Variants in SPATA7 observed in about 807,000 individuals in gnomAD.
SPATA7 encodes the protein spermatogenesis associated 7.
SPATA7 carries 43 observed loss-of-function variants against 51.8 expected under a neutral mutation model. The ratio of observed to expected loss-of-function variants is 0.83; its 90% CI spans 0.65 to 1.07. The LOEUF is 1.07. SPATA7 is among the 50% of genes least tolerant of loss of function. The pLI, the probability that SPATA7 is intolerant of heterozygous loss-of-function variation, is 0.00. For missense variants in SPATA7, 683 were observed against 701.3 expected (o/e 0.97, Z 0.30); for synonymous variants, 230 against 252.8 (o/e 0.91, Z 0.86).
At chr14:88,425,701 A>G (rs1022189317) in intron 5 of SPATA7, among the ~76,000 whole-genome samples, 6 of 152,086 alleles carry the variant, frequency 3.9e-5, no homozygotes, top group Admixed American at 3.3e-4. Flanking sequence ...TGAAATTATT[A>G]TGGAATAAAT....
At chr14:88,387,071 T>G (rs1038022016) in intron 1 of SPATA7, among the ~76,000 whole-genome samples, 3 of 152,232 alleles carry the variant, frequency 2.0e-5, no homozygotes, top group Non-Finnish European at 4.4e-5. Flanking sequence ...TAGCCTTATT[T>G]CATAGTGAAG....
At chr14:88,402,529 C>A (rs2076089572) in intron 4 of SPATA7, among the ~76,000 whole-genome samples, 1 of 152,092 alleles carries the variant, frequency 6.6e-6, no homozygotes, top group South Asian at 2.1e-4. Flanking sequence ...GGGTACCAAA[C>A]ACACACAGTG....
chr14:88,398,979 G>A (rs966996112), intron 4 of SPATA7, among the ~76,000 whole-genome samples: 46 of 151,218 alleles, frequency 3.0e-4, no homozygotes, highest in African/African-American at 1.1e-3. Flanking sequence ...GTGAACCCAG[G>A]AGGCGGAGCT....
downstream of SPATA7, among the ~76,000 whole-genome samples, chr14:88,442,213 A>C (rs941748295): frequency 7.0e-6 from 1 of 143,108 alleles, no homozygotes; most frequent in Non-Finnish European, 1.6e-5. Flanking sequence ...TTTTTGAGGC[A>C]GAGTCTCACT....
downstream of SPATA7, among the ~76,000 whole-genome samples, chr14:88,438,760 G>A (rs189149208): frequency 8.5e-5 from 13 of 152,308 alleles, no homozygotes; most frequent in African/African-American, 2.9e-4. Context: ...GCTGACCAGT[G>A]GCTAGAGGCT....
chr14:88,432,538 C>T (rs568147957), intron 9 of SPATA7: 2 of 152,182 alleles, frequency 1.3e-5, no homozygotes, highest in South Asian at 2.1e-4. Context: ...TAAAAATTAC[C>T]ACAAGATTTA....
intron 4 of SPATA7, among the ~76,000 whole-genome samples, chr14:88,413,957 T>C (rs1202098110): frequency 6.6e-6 from 1 of 152,164 alleles, no homozygotes; most frequent in Non-Finnish European, 1.5e-5. Flanking sequence ...AGTTTGCTAC[T>C]ATTTGTTGAG....
chr14:88,403,413 A>G (rs1380695941), intron 4 of SPATA7, among the ~76,000 whole-genome samples: 2 of 152,222 alleles, frequency 1.3e-5, no homozygotes, highest in African/African-American at 4.8e-5. Context: ...AGATATAGAA[A>G]CAACCTAAAT....
rs750012248 is a variant in SPATA7, at chr14:88,469,821, AC to A, written c.255-23del. 2 of 1,600,864 alleles carry A rather than the reference AC, an allele frequency of 1.2e-6. No homozygotes were observed. Among genetic ancestry groups the A allele is most frequent in the South Asian group, 2.2e-5 (2 of 90,712 alleles). The stretch of plus-strand genomic sequence containing the variant: ...ACGGCACATCTGAAACAGAACCACA[AC>A]CCTACCCTGCCTTTTTCTCCACAGG... On this transcript the variant is annotated intron_variant, in intron 4 of 4. Coordinates refer to the SPATA7 transcript ENST00000556406. This position sits in a 1 kb window ranked among gnomAD's most constrained non-coding sequence, Gnocchi z 4.3.
chr14:88,402,970 A>AAC (rs1276299527), intron 4 of SPATA7, among the ~76,000 whole-genome samples: 1 of 140,728 alleles, frequency 7.1e-6, no homozygotes, highest in East Asian at 1.9e-4. Flanking sequence ...AAAAAAAAAA[A>AAC]AAAAAAAAAA....
chr14:88,468,365 G>C (rs2077399009), intron 4 of SPATA7: 2 of 1,173,538 alleles, frequency 1.7e-6, no homozygotes, highest in South Asian at 3.2e-5. Context: ...GTTGGGAGAT[G>C]GACAGTCTCT....
chr14:88,431,833 A>G (rs1457514763), intron 9 of SPATA7, among the ~76,000 whole-genome samples: 1 of 152,082 alleles, frequency 6.6e-6, no homozygotes, highest in Non-Finnish European at 1.5e-5. Flanking sequence ...GTATATATAC[A>G]TTTTCTTTAT....
Position 88,393,479 on chromosome 14 carries a change from T to C in SPATA7, c.181T>C (p.Ser61Pro). ...GGCTGTTCACTATAATAAAATCCTT[T>C]CAGCCAAAGGTAAAAATGTGCAAAT... ...HMAVHYNKILSAKAAVDCSVP... is the reference protein window; with the variant it reads ...HMAVHYNKILPAKAAVDCSVP... The change falls in exon 3 of 12, where the codon TCA (serine) becomes CCA (proline). Residue 61 changes from serine (S) to proline (P), a missense_variant. Ser to Pro is a moderately conservative substitution (Grantham distance 74). Transcript: ENST00000393545. 1 of 1,597,006 alleles carries C rather than the reference T, an allele frequency of 6.3e-7. No individual in the cohort carries two copies.
At chr14:88,460,247 T>C (rs955124235), downstream of SPATA7, among the ~76,000 whole-genome samples, 9 of 152,214 alleles carry the variant, frequency 5.9e-5, no homozygotes, top group Non-Finnish European at 1.3e-4. Flanking sequence ...TGAATCTGAA[T>C]GTTGGCCTGC....
downstream of SPATA7, among the ~76,000 whole-genome samples, chr14:88,443,337 G>A (rs961145990): frequency 6.6e-6 from 1 of 152,080 alleles, no homozygotes; most frequent in African/African-American, 2.4e-5. Context: ...TAATCTAGGA[G>A]GGTTGTATAT....
rs764724955 is a variant in SPATA7, at chr14:88,468,175, C to T, written c.255-1672C>T. 2 of 1,613,660 alleles carry T rather than the reference C, an allele frequency of 1.2e-6. No individual in the cohort carries two copies. Among genetic ancestry groups the T allele is most frequent in the East Asian group, 4.5e-5 (2 of 44,880 alleles). Reference sequence around the variant, plus strand: ...GAGCTTTTCAGGAACTGGATGAGGACTCTGTACACAAATGTGTACTGGCAG... The same window carrying T: ...GAGCTTTTCAGGAACTGGATGAGGATTCTGTACACAAATGTGTACTGGCAG... On this transcript the variant is annotated intron_variant, in intron 4 of 4. Coordinates refer to the SPATA7 transcript ENST00000556406.
intron 3 of SPATA7, among the ~76,000 whole-genome samples, chr14:88,448,531 A>G (rs2077229776): frequency 6.6e-6 from 1 of 152,194 alleles, no homozygotes; most frequent in African/African-American, 2.4e-5. Flanking sequence ...CTGGTGAGGA[A>G]CTGCGTTCCT....
At chr14:88,416,878 G>A in intron 5 of SPATA7, 34 bp downstream of exon 5, 2 of 1,543,124 alleles carry the variant, frequency 1.3e-6, no homozygotes, top group Non-Finnish European at 1.8e-6. Flanking sequence ...AAAAGCAAAT[G>A]TTTCTAAGGT....
At chr14:88,461,691 C>T (rs59219876) in intron 4 of SPATA7, among the ~76,000 whole-genome samples, 5,763 of 152,128 alleles carry the variant, frequency 0.038, 355 homozygotes, top group African/African-American at 0.13. Context: ...CTTTGGCTTA[C>T]GCTCGGTGGG....
Sources: gnomAD v4.1 joint callset for allele counts (sites outside exome capture counted in the v4.1 genomes callset) on GRCh38, gnomAD v4.1.1 for gene constraint, Gnocchi (gnomAD v3.1) non-coding constraint, MANE v1.5 for transcripts, NCBI Gene and HGNC (gene_info 2026-07-23, HGNC 2026-07-21) for gene names.